The following KCNIP4 variants were observed in gnomAD, a reference collection of about 807,000 sequenced individuals.
KCNIP4 encodes Kv channel-interacting protein 4.
KCNIP4 carries 12 observed loss-of-function variants against 34.0 expected under a neutral mutation model. The ratio of observed to expected loss-of-function variants is 0.35; its 90% CI spans 0.23 to 0.57. The LOEUF is 0.57. Among genes scored for constraint, KCNIP4 ranks in the 20% least tolerant of loss-of-function variants. KCNIP4 has a pLI of 0.83. For missense variants in KCNIP4, 238 were observed against 311.7 expected (o/e 0.76, Z 1.78); for synonymous variants, 124 against 102.2 (o/e 1.21, Z -1.29).
At chr4:20,972,606 T>C (rs567267713) in intron 1 of KCNIP4, among the ~76,000 whole-genome samples, 19 of 152,208 alleles carry the variant, frequency 1.2e-4, no homozygotes, top group Non-Finnish European at 2.6e-4. Context: ...TCAGGCTTTG[T>C]TGTTCCACTT....
rs73112233 is a variant in KCNIP4 at position 20,801,080 on chromosome 4, G to A, written c.289-42190C>T. 8.4e-3 allele frequency among the ~76,000 whole-genome samples: 1,286 copies of A among 152,250 alleles called. 10 individuals are homozygous for A. The highest frequency in any genetic ancestry group is 0.029 in the African/African-American group (1,209 of 41,550). ...AGGGAATCTCCATTAGAATATATCA[G>A]TAGATTTCTCAACAGAAACTTTGCA... is the stretch of plus-strand genomic sequence containing the variant. On this transcript the variant is annotated intron_variant, in intron 3 of 8. Transcript: ENST00000382152.
chr4:21,636,432 T>C (rs1049214836), intron 1 of KCNIP4, among the ~76,000 whole-genome samples: 2 of 152,140 alleles, frequency 1.3e-5, no homozygotes, highest in Non-Finnish European at 2.9e-5. Flanking sequence ...AGAAATGACT[T>C]ATGCATAAGT....
chr4:20,866,040 T>C (rs1046669205), intron 2 of KCNIP4, among the ~76,000 whole-genome samples: 8 of 151,940 alleles, frequency 5.3e-5, no homozygotes, highest in Non-Finnish European at 8.8e-5. Context: ...AAAAAAGCTC[T>C]GGACCAGATG....
At chr4:20,897,121 GTTT>G (rs549118466) in intron 1 of KCNIP4, among the ~76,000 whole-genome samples, 151 of 151,668 alleles carry the variant, frequency 1.0e-3, no homozygotes, top group African/African-American at 2.9e-3. Flanking sequence ...ATATTGTCCA[GTTT>G]TTGTTTCAAT....
chr4:21,269,958 C>G (rs779969994), intron 1 of KCNIP4, among the ~76,000 whole-genome samples: 1 of 152,152 alleles, frequency 6.6e-6, no homozygotes, highest in African/African-American at 2.4e-5. Context: ...TAAACTATAT[C>G]TACATTAGTT....
In KCNIP4 at chr4:21,696,637, G is replaced by A. The variant is rs576722076; in HGVS notation, c.61+251934C>T. ...CTGTCACTAATTTAATGACGGCATT[G>A]CCTAGGAATTTCATGAGCAACAAAA... is the stretch of plus-strand genomic sequence containing the variant. On this transcript the variant is annotated intron_variant, in intron 1 of 8. Transcript: ENST00000382152. 2.0e-3 allele frequency among the ~76,000 whole-genome samples: 308 copies of A among 152,174 alleles called. 2 individuals carry two copies. The highest frequency in any genetic ancestry group is 3.4e-3 in the Non-Finnish European group (229 of 67,974).
intron 1 of KCNIP4, among the ~76,000 whole-genome samples, chr4:21,908,554 AC>A (rs1162887419): frequency 6.6e-6 from 1 of 152,188 alleles, no homozygotes; most frequent in African/African-American, 2.4e-5. Flanking sequence ...GAAAACCGTT[AC>A]TTTTCAGTTT....
rs141677668 is a variant in KCNIP4 at position 20,909,281 on chromosome 4, G to C, written c.62-26572C>G. Among the ~76,000 whole-genome samples the C allele has an allele frequency of 1.2e-3, 185 of 152,194 alleles. 3 individuals are homozygous for C. In the East Asian group the frequency reaches 0.029, roughly 24 times the overall value. Reference sequence around the variant, plus strand: ...TGCTTTCTTCACTGTTTTCCATAGAGTGTTATTTCATAGAGCATATTAGAG... The same window carrying C: ...TGCTTTCTTCACTGTTTTCCATAGACTGTTATTTCATAGAGCATATTAGAG... On this transcript the variant is annotated intron_variant, in intron 1 of 8. Transcript: ENST00000382152.
chr4:21,891,955 G>A (rs959594395), intron 1 of KCNIP4, among the ~76,000 whole-genome samples: 1 of 152,000 alleles, frequency 6.6e-6, no homozygotes, highest in East Asian at 1.9e-4. Flanking sequence ...AATAAAGAAG[G>A]GGAAAGTTTG....
chr4:20,858,210 TCAAA>T (rs1721816465), intron 2 of KCNIP4, among the ~76,000 whole-genome samples: 1 of 27,470 alleles, frequency 3.6e-5, no homozygotes, highest in African/African-American at 1.1e-4. Context: ...AAACTCCATC[TCAAA>T]AAAAAAAAAA....
chr4:21,785,570 TC>T (rs1420055322), intron 1 of KCNIP4, among the ~76,000 whole-genome samples: 2 of 149,832 alleles, frequency 1.3e-5, no homozygotes. Context: ...CCAGCCTGGG[TC>T]AAAGAGTGAG....
chr4:20,878,362 T>C (rs1466095516), intron 2 of KCNIP4, among the ~76,000 whole-genome samples: 1 of 152,202 alleles, frequency 6.6e-6, no homozygotes, highest in Non-Finnish European at 1.5e-5. Context: ...TCTAGGACAC[T>C]CTCTCCAGAC....
intron 1 of KCNIP4, among the ~76,000 whole-genome samples, chr4:21,151,277 T>C (rs1011407739): frequency 9.9e-5 from 15 of 152,268 alleles, no homozygotes; most frequent in African/African-American, 3.4e-4. Flanking sequence ...ATCATGATTT[T>C]ATTAAAATTA....
intron 1 of KCNIP4, among the ~76,000 whole-genome samples, chr4:21,643,669 C>A (rs377707716): frequency 6.6e-6 from 1 of 152,056 alleles, no homozygotes; most frequent in South Asian, 2.1e-4. Flanking sequence ...CAGTTGAAGA[C>A]CTTAGTAGAA....
At chr4:21,738,235 C>A (rs889119977) in intron 1 of KCNIP4, among the ~76,000 whole-genome samples, 2 of 151,950 alleles carry the variant, frequency 1.3e-5, no homozygotes, top group Non-Finnish European at 2.9e-5. Flanking sequence ...TTTATATAAT[C>A]TACTTGTAGG....
intron 1 of KCNIP4, among the ~76,000 whole-genome samples, chr4:21,776,136 C>T (rs1354333318): frequency 2.6e-5 from 4 of 152,214 alleles, no homozygotes; most frequent in Admixed American, 1.3e-4. Flanking sequence ...ACAGTTTCCC[C>T]AGCTGGGTAG....
At chr4:21,612,074 T>C (rs964104251) in intron 1 of KCNIP4, among the ~76,000 whole-genome samples, 1 of 152,230 alleles carries the variant, frequency 6.6e-6, no homozygotes. Flanking sequence ...AAGTGTGGGA[T>C]ATACGCCTGT....
chr4:21,032,740 G>C (rs914269298), intron 1 of KCNIP4, among the ~76,000 whole-genome samples: 1 of 149,814 alleles, frequency 6.7e-6, no homozygotes, highest in African/African-American at 2.5e-5. Context: ...GATAGTTCAG[G>C]AAACCTTGAC....
intron 1 of KCNIP4, among the ~76,000 whole-genome samples, chr4:21,088,771 C>T (rs1353948249): frequency 6.6e-6 from 1 of 152,226 alleles, no homozygotes; most frequent in East Asian, 1.9e-4. Flanking sequence ...CAAGATCAGA[C>T]ACATCTTTTT....
Sources: allele counts gnomAD v4.1 joint callset (sites outside exome capture counted in the v4.1 genomes callset), GRCh38; gene constraint gnomAD v4.1.1; transcripts MANE v1.5; gene names NCBI Gene and HGNC (gene_info 2026-07-23, HGNC 2026-07-21).